Variants in DOK6 observed in about 807,000 individuals in gnomAD.
The protein encoded by DOK6 is downstream of tyrosine kinase 6.
A neutral mutation model predicts 44.0 loss-of-function variants in DOK6; 22 were observed. The observed-to-expected ratio is 0.50, with a 90% confidence interval of 0.36 to 0.71. The LOEUF is 0.71. Among genes scored for constraint, DOK6 ranks in the 30% least tolerant of loss-of-function variants. DOK6 has a pLI of 0.00. For missense variants in DOK6, 340 were observed against 416.4 expected, an observed-to-expected ratio of 0.82 and a Z score of 1.60; for synonymous variants, 166 against 145.5, an observed-to-expected ratio of 1.14 and a Z score of -1.01.
At chr18:69,509,453 T>C (rs9807718) in intron 1 of DOK6, among the ~76,000 whole-genome samples, 67,513 of 151,478 alleles carry the variant, frequency 0.45, 15,779 homozygotes, top group East Asian at 0.51. Context: ...CTGGCTAACA[T>C]GGTGAAACCC....
intron 1 of DOK6, among the ~76,000 whole-genome samples, chr18:69,517,414 G>A (rs12961409): frequency 0.41 from 62,440 of 151,928 alleles, 13,698 homozygotes; most frequent in Non-Finnish European, 0.49. Context: ...TCAAACTTAT[G>A]AGGAAAATTA....
intron 1 of DOK6, among the ~76,000 whole-genome samples, chr18:69,550,779 T>A (rs1368119031): frequency 2.8e-3 from 10 of 3,618 alleles, no homozygotes; most frequent in Non-Finnish European, 0.016. Flanking sequence ...GTTTCTTTCT[T>A]TTTTTTTTTT....
At chr18:69,739,715 C>G (rs1182145620) in intron 6 of DOK6, among the ~76,000 whole-genome samples, 1 of 152,142 alleles carries the variant, frequency 6.6e-6, no homozygotes, top group Non-Finnish European at 1.5e-5. Context: ...TAATTATAAG[C>G]TTTATTACTA....
chr18:69,432,084 C>T (rs1008155727), intron 1 of DOK6, among the ~76,000 whole-genome samples: 7 of 152,090 alleles, frequency 4.6e-5, no homozygotes, highest in African/African-American at 1.7e-4. Context: ...AATTAAACAT[C>T]GATATTTCAC....
chr18:69,777,489 C>T (rs946461778), intron 7 of DOK6, among the ~76,000 whole-genome samples: 2 of 152,088 alleles, frequency 1.3e-5, no homozygotes, highest in African/African-American at 4.8e-5. Flanking sequence ...ATGTTCCTGA[C>T]ATCACCACCA....
chr18:69,454,993 G>A (rs955036868), intron 1 of DOK6, among the ~76,000 whole-genome samples: 1 of 146,678 alleles, frequency 6.8e-6, no homozygotes, highest in Non-Finnish European at 1.5e-5. Flanking sequence ...GCACCAGCAT[G>A]GCACATGTAT....
intron 3 of DOK6, among the ~76,000 whole-genome samples, chr18:69,670,198 A>C (rs894086990): frequency 2.0e-5 from 3 of 152,190 alleles, no homozygotes; most frequent in African/African-American, 7.2e-5. Flanking sequence ...TTCCATGTTC[A>C]ATGGGGACTA....
intron 1 of DOK6, among the ~76,000 whole-genome samples, chr18:69,498,940 C>T (rs1754747271): frequency 1.3e-5 from 2 of 152,110 alleles, no homozygotes; most frequent in African/African-American, 4.8e-5. Flanking sequence ...AATTATTAGG[C>T]AAGAATGCCT....
intron 2 of DOK6, among the ~76,000 whole-genome samples, chr18:69,575,220 C>T (rs1031927684): frequency 2.0e-5 from 3 of 152,020 alleles, no homozygotes; most frequent in Admixed American, 6.6e-5. Context: ...CATGATTTTG[C>T]ACTCACAGAA....
chr18:69,605,773 C>A (rs901103256), intron 3 of DOK6, among the ~76,000 whole-genome samples: 1 of 151,880 alleles, frequency 6.6e-6, no homozygotes, highest in African/African-American at 2.4e-5. Context: ...AGAAACCTAC[C>A]GCTACATCAC....
At chr18:69,796,709 T>C (rs1337918240) in intron 7 of DOK6, among the ~76,000 whole-genome samples, 1 of 152,186 alleles carries the variant, frequency 6.6e-6, no homozygotes, top group African/African-American at 2.4e-5. Context: ...GTACAAATAC[T>C]AGACAAAGCA....
intron 1 of DOK6, among the ~76,000 whole-genome samples, chr18:69,496,377 G>A (rs1207014793): frequency 1.3e-5 from 2 of 152,250 alleles, no homozygotes; most frequent in Non-Finnish European, 2.9e-5. Context: ...GCTCCCACTT[G>A]TCCCGGCTAC....
chr18:69,529,028 G>A (rs1236325897), intron 1 of DOK6, among the ~76,000 whole-genome samples: 1 of 152,136 alleles, frequency 6.6e-6, no homozygotes, highest in Non-Finnish European at 1.5e-5. Flanking sequence ...AATGAATACG[G>A]TTTCTTGGTT....
chr18:69,560,910 A>T (rs185002295), intron 1 of DOK6, among the ~76,000 whole-genome samples: 127 of 150,926 alleles, frequency 8.4e-4, no homozygotes, highest in Middle Eastern at 3.4e-3. Flanking sequence ...TGTACTTGGG[A>T]GATCATTAAT....
intron 1 of DOK6, among the ~76,000 whole-genome samples, chr18:69,496,644 T>C (rs536219248): frequency 6.6e-6 from 1 of 152,338 alleles, no homozygotes; most frequent in South Asian, 2.1e-4. Flanking sequence ...CCATTTCATA[T>C]GACATTATTA....
chr18:69,492,950 T>G (rs1980778328), intron 1 of DOK6, among the ~76,000 whole-genome samples: 1 of 151,890 alleles, frequency 6.6e-6, no homozygotes, highest in African/African-American at 2.4e-5. Context: ...CCTTTTCAAA[T>G]GAGAATAGTA....
chr18:69,549,634 G>C (rs1425355843), intron 1 of DOK6, among the ~76,000 whole-genome samples: 3 of 151,502 alleles, frequency 2.0e-5, no homozygotes, highest in Non-Finnish European at 4.4e-5. Flanking sequence ...TTTCCATAAA[G>C]CAGTTTGTAT....
chr18:69,407,623 G>C (rs1193383551), intron 1 of DOK6, among the ~76,000 whole-genome samples: 1 of 152,024 alleles, frequency 6.6e-6, no homozygotes, highest in Non-Finnish European at 1.5e-5. Flanking sequence ...TTTTTATATT[G>C]TTACACTATT....
Position 69,416,053 on chromosome 18 carries a change from A to AT in DOK6, c.66+14749dup, listed in dbSNP as rs562795145. On this transcript the variant is annotated intron_variant, in intron 1 of 7. Coordinates refer to ENST00000382713, the MANE Select transcript of DOK6 (RefSeq NM_152721.6). ...TTCTGCTTTCCAGATCTCTAGAAAAATTTTTTGGAAGGAAGGAAGGAAAGG... is the reference window on the plus strand; with the variant it reads ...TTCTGCTTTCCAGATCTCTAGAAAAATTTTTTTGGAAGGAAGGAAGGAAAGG... Among the ~76,000 whole-genome samples, 348 of 147,104 alleles carry AT rather than the reference A, an allele frequency of 2.4e-3. 1 individual carries two copies. The highest frequency in any genetic ancestry group is 8.2e-3 in the African/African-American group (330 of 40,476).
Sources: gnomAD v4.1 joint callset for allele counts (sites outside exome capture counted in the v4.1 genomes callset) on GRCh38, gnomAD v4.1.1 for gene constraint, MANE v1.5 for transcripts, NCBI Gene and HGNC (gene_info 2026-07-23, HGNC 2026-07-21) for gene names.